The following NALF1 variants were observed in gnomAD, a reference collection of about 807,000 sequenced individuals.
NALF1 encodes the protein family with sequence similarity 155 member A.
NALF1 carries 3 observed loss-of-function variants against 48.4 expected under a neutral mutation model. The ratio of observed to expected loss-of-function variants is 0.06; its 90% CI spans 0.03 to 0.16. The LOEUF is 0.16. NALF1 is among the 10% of genes least tolerant of loss of function. The pLI is 1.00. For missense variants in NALF1, 526 were observed against 571.5 expected (o/e 0.92, Z 0.81); for synonymous variants, 262 against 245.7 (o/e 1.07, Z -0.62).
intron 1 of NALF1, among the ~76,000 whole-genome samples, chr13:107,706,572 TG>T (rs1423756608): frequency 2.0e-5 from 3 of 152,194 alleles, no homozygotes; most frequent in Non-Finnish European, 4.4e-5. Flanking sequence ...TGGCATTAAA[TG>T]CAGTCTATTT....
At chr13:107,452,483 AACTC>A (rs1043355922) in intron 1 of NALF1, among the ~76,000 whole-genome samples, 3 of 152,148 alleles carry the variant, frequency 2.0e-5, no homozygotes, top group Non-Finnish European at 4.4e-5. Flanking sequence ...ATCTCATGAG[AACTC>A]ACTCACTATC....
chr13:107,682,164 CA>C (rs1303959724), intron 1 of NALF1, among the ~76,000 whole-genome samples: 1 of 152,214 alleles, frequency 6.6e-6, no homozygotes, highest in African/African-American at 2.4e-5. Context: ...TTCAGGCCCG[CA>C]TTGATTCCTC....
At chr13:107,835,854 G>A (rs1480358835) in intron 1 of NALF1, among the ~76,000 whole-genome samples, 4 of 152,160 alleles carry the variant, frequency 2.6e-5, no homozygotes. Flanking sequence ...CCATCTTATA[G>A]ATGAGGATCG....
At chr13:107,176,326 T>G (rs980276971) in intron 2 of NALF1, among the ~76,000 whole-genome samples, 1 of 150,526 alleles carries the variant, frequency 6.6e-6, no homozygotes, top group Non-Finnish European at 1.5e-5. Flanking sequence ...GTTTTTTTTT[T>G]TTTTTTTTTT....
chr13:107,576,739 C>T (rs1878163392), intron 1 of NALF1, among the ~76,000 whole-genome samples: 1 of 152,078 alleles, frequency 6.6e-6, no homozygotes, highest in South Asian at 2.1e-4. Flanking sequence ...ATCACTGGCA[C>T]AATAGAGGCA....
intron 1 of NALF1, among the ~76,000 whole-genome samples, chr13:107,291,294 T>C (rs533829150): frequency 1.3e-4 from 20 of 152,220 alleles, no homozygotes; most frequent in Non-Finnish European, 2.5e-4. Context: ...GTGCTAAGCA[T>C]AACATAGGTT....
At chr13:107,461,142 C>T (rs1884912128) in intron 1 of NALF1, among the ~76,000 whole-genome samples, 1 of 151,910 alleles carries the variant, frequency 6.6e-6, no homozygotes, top group Non-Finnish European at 1.5e-5. Flanking sequence ...AATAAAGACC[C>T]AAGCTATGGA....
intron 1 of NALF1, among the ~76,000 whole-genome samples, chr13:107,836,922 C>T (rs1029231640): frequency 2.0e-5 from 3 of 152,248 alleles, no homozygotes; most frequent in South Asian, 2.1e-4. Context: ...ATGACACTAA[C>T]GGGAAGAATT....
intron 1 of NALF1, among the ~76,000 whole-genome samples, chr13:107,527,781 C>T (rs1199780965): frequency 2.0e-5 from 3 of 152,106 alleles, no homozygotes; most frequent in East Asian, 3.9e-4. Flanking sequence ...TCTCTCTTGT[C>T]TGCTGCCATG....
chr13:107,733,338 C>T (rs1441332193), intron 1 of NALF1, among the ~76,000 whole-genome samples: 1 of 152,148 alleles, frequency 6.6e-6, no homozygotes, highest in Non-Finnish European at 1.5e-5. Context: ...CTTCTCTGGA[C>T]ACTCCAGGAC....
At position 107,318,778 on chromosome 13, in the gene NALF1, G is replaced by A. The variant is rs1244522911; in HGVS notation, c.916-108023C>T. On this transcript the variant is annotated intron_variant, in intron 1 of 2. Transcript: ENST00000375915. The stretch of plus-strand genomic sequence containing the variant: ...TGTTCATGGTGACACTGATTATAGA[G>A]CAAAAAGATAGGGGCAAACTAAAGG... Among the ~76,000 whole-genome samples, 4 of 151,990 alleles carry A rather than the reference G, an allele frequency of 2.6e-5. No individual in the cohort carries two copies. The East Asian group carries it at 7.7e-4, about 29-fold the overall frequency.
intron 1 of NALF1, among the ~76,000 whole-genome samples, chr13:107,843,869 T>C (rs1880104635): frequency 6.6e-6 from 1 of 152,122 alleles, no homozygotes; most frequent in Non-Finnish European, 1.5e-5. Flanking sequence ...AAACGAAATG[T>C]TAGCTAATGA....
intron 1 of NALF1, among the ~76,000 whole-genome samples, chr13:107,257,716 T>C (rs754822573): frequency 4.6e-5 from 7 of 152,096 alleles, no homozygotes; most frequent in Admixed American, 1.3e-4. Flanking sequence ...GAGCAAACCA[T>C]TGCCTGTGAG....
chr13:107,867,456 G>A lies in NALF1; in HGVS notation c.-860C>T, dbSNP rs1433914492. On this transcript the variant is annotated 5_prime_UTR_variant, in exon 1 of 3. Transcript: ENST00000375915. The surrounding 1 kb of genome is among the most constrained non-coding windows in gnomAD (Gnocchi z 4.4). ...AGCCACAGTCATCTTCAGTCCGCGG[G>A]CTAAGTTGCCGCCATCTTCGTCCTG... is the stretch of plus-strand genomic sequence containing the variant. Among the ~76,000 whole-genome samples, 17 of 149,364 alleles carry A rather than the reference G, an allele frequency of 1.1e-4. No homozygotes were observed. Among genetic ancestry groups the A allele is most frequent in the Non-Finnish European group, 2.4e-4 (16 of 67,084 alleles).
intron 1 of NALF1, among the ~76,000 whole-genome samples, chr13:107,686,245 G>A (rs939667823): frequency 3.3e-5 from 5 of 152,186 alleles, no homozygotes; most frequent in Non-Finnish European, 7.3e-5. Context: ...GGTTTCAGAT[G>A]AAGGCAGAGG....
At position 107,165,550 on chromosome 13, in the gene NALF1, A is replaced by G. The variant is rs1290037608; in HGVS notation, c.*4947T>C. The G allele has an allele frequency of 6.6e-6, 1 of 152,238 alleles. No homozygotes were observed. Among genetic ancestry groups the G allele is most frequent in the African/African-American group, 2.4e-5 (1 of 41,460 alleles). 9.4% of individuals were successfully genotyped at this position (152,238 alleles called of 1,614,324 possible). ...GTACAGTATCTCAAGAATAAAAACC[A>G]TAGTTCATATTTTGTTTCATGCCTT... On this transcript the variant is annotated 3_prime_UTR_variant, in exon 3 of 3. Coordinates refer to ENST00000375915, the MANE Select transcript of NALF1 (RefSeq NM_001080396.3).
intron 1 of NALF1, among the ~76,000 whole-genome samples, chr13:107,406,634 A>T (rs978081001): frequency 6.6e-6 from 1 of 152,016 alleles, no homozygotes; most frequent in Non-Finnish European, 1.5e-5. Context: ...CTATTTTGAT[A>T]GAGATTAATA....
At chr13:107,770,122 C>T (rs1293453398) in intron 1 of NALF1, among the ~76,000 whole-genome samples, 1 of 152,126 alleles carries the variant, frequency 6.6e-6, no homozygotes, top group Non-Finnish European at 1.5e-5. Context: ...GCCGTGTTAG[C>T]CAGGATGGTC....
At chr13:107,626,757 G>A (rs1879685291) in intron 1 of NALF1, among the ~76,000 whole-genome samples, 1 of 151,998 alleles carries the variant, frequency 6.6e-6, no homozygotes, top group African/African-American at 2.4e-5. Flanking sequence ...GTTGAGAGTA[G>A]ACTGGTGGTT....
Sources: gnomAD v4.1 joint callset for allele counts (sites outside exome capture counted in the v4.1 genomes callset) on GRCh38, gnomAD v4.1.1 for gene constraint, Gnocchi (gnomAD v3.1) non-coding constraint, MANE v1.5 for transcripts, NCBI Gene and HGNC (gene_info 2026-07-23, HGNC 2026-07-21) for gene names.